The following ZNF423 variants were observed in gnomAD, a reference collection of about 807,000 sequenced individuals.
The protein encoded by ZNF423 is Ebf-associated zinc finger protein.
In ZNF423, 12 loss-of-function variants were observed where a neutral mutation model predicts 95.8. That is an observed-to-expected ratio of 0.13 (90% CI 0.08 to 0.20). ZNF423 has a LOEUF of 0.20. Among genes scored for constraint, ZNF423 ranks in the 10% least tolerant of loss-of-function variants. ZNF423 has a pLI of 1.00. For missense variants in ZNF423, 1,316 were observed against 1,737.1 expected (o/e 0.76, Z 4.31); for synonymous variants, 749 against 711.9 (o/e 1.05, Z -0.83).
At chr16:49,800,092 A>C (rs985794742) in intron 1 of ZNF423, among the ~76,000 whole-genome samples, 2 of 152,136 alleles carry the variant, frequency 1.3e-5, no homozygotes, top group Non-Finnish European at 2.9e-5. Context: ...AAAAATGCAA[A>C]AATTAGCTGG....
chr16:49,610,517 T>C (rs530026693), intron 5 of ZNF423, among the ~76,000 whole-genome samples: 1 of 152,108 alleles, frequency 6.6e-6, no homozygotes, highest in South Asian at 2.1e-4. Flanking sequence ...ACAGTAATCA[T>C]GATAAAAAGC....
chr16:49,824,168 A>C (rs1402588145), intron 1 of ZNF423, among the ~76,000 whole-genome samples: 1 of 152,136 alleles, frequency 6.6e-6, no homozygotes, highest in African/African-American at 2.4e-5. Flanking sequence ...GTCCCAAAAT[A>C]AATTATTCCC....
intron 7 of ZNF423, among the ~76,000 whole-genome samples, chr16:49,522,023 AG>A (rs1332264447): frequency 6.6e-6 from 1 of 152,192 alleles, no homozygotes; most frequent in Non-Finnish European, 1.5e-5. Flanking sequence ...CTAACCCCAG[AG>A]GGGGAGGCAC....
At chr16:49,777,239 G>A (rs542152541) in intron 2 of ZNF423, among the ~76,000 whole-genome samples, 10 of 152,344 alleles carry the variant, frequency 6.6e-5, no homozygotes, top group African/African-American at 2.4e-4. Context: ...TGTGGAGTAT[G>A]CATATGCCAA....
At chr16:49,663,398 C>T (rs895428397) in intron 3 of ZNF423, among the ~76,000 whole-genome samples, 1 of 152,110 alleles carries the variant, frequency 6.6e-6, no homozygotes, top group Admixed American at 6.5e-5. Flanking sequence ...CCCCAGCCCA[C>T]CCCCCTCGAG....
chr16:49,513,536 G>A (rs756175818), intron 7 of ZNF423, among the ~76,000 whole-genome samples: 45 of 152,090 alleles, frequency 3.0e-4, no homozygotes, highest in Admixed American at 1.8e-3. Flanking sequence ...ATGGGCTCCC[G>A]GAATCTGTGG....
chr16:49,651,863 C>G (rs941705820), intron 3 of ZNF423, among the ~76,000 whole-genome samples: 2 of 152,186 alleles, frequency 1.3e-5, no homozygotes, highest in African/African-American at 4.8e-5. Flanking sequence ...CCTCCCTGAG[C>G]CCTGATTGAT....
intron 3 of ZNF423, among the ~76,000 whole-genome samples, chr16:49,677,753 C>CAAAA (rs776853564): frequency 1.2e-5 from 1 of 84,702 alleles, no homozygotes; most frequent in African/African-American, 3.6e-5. Context: ...GACCCTGTCT[C>CAAAA]AAAAAAAAAA....
Position 49,739,695 on chromosome 16 carries a change from G to GTTTTT in ZNF423, c.101-8725_101-8724insAAAAA, listed in dbSNP as rs1567321248. On this transcript the variant is annotated intron_variant, in intron 2 of 7. Transcript: ENST00000563137. ...CACGTTTGTTTTTTTGTTTTTGTTT[G>GTTTTT]GTTTTTTTTTTTTTTTTTTTGGAGA... Among the ~76,000 whole-genome samples the GTTTTT allele has an allele frequency of 3.0e-5, 4 of 132,734 alleles. 2 individuals carry two copies. Among genetic ancestry groups the GTTTTT allele is most frequent in the Admixed American group, 1.5e-4 (2 of 12,950 alleles). The allele number at this position is 132,734 out of a possible 152,430, so 87.1% of individuals were successfully genotyped here.
chr16:49,521,729 G>T (rs1261130798), intron 7 of ZNF423, among the ~76,000 whole-genome samples: 1 of 152,230 alleles, frequency 6.6e-6, no homozygotes, highest in Non-Finnish European at 1.5e-5. Flanking sequence ...GCACCGTAAG[G>T]ATGAAAAGAA....
chr16:49,758,939 A>C (rs367733040), intron 2 of ZNF423, among the ~76,000 whole-genome samples: 16 of 152,324 alleles, frequency 1.1e-4, no homozygotes, highest in Admixed American at 8.5e-4. Context: ...AACAAGGATA[A>C]GCCTTCCGAA....
chr16:49,652,308 T>C (rs766692193), intron 3 of ZNF423, among the ~76,000 whole-genome samples: 8 of 151,806 alleles, frequency 5.3e-5, no homozygotes, highest in Non-Finnish European at 1.2e-4. Context: ...GAAAATGCAA[T>C]TGAGCTCGAG....
chr16:49,791,856 G>A (rs1349949570), intron 1 of ZNF423, among the ~76,000 whole-genome samples: 1 of 151,922 alleles, frequency 6.6e-6, no homozygotes, highest in Non-Finnish European at 1.5e-5. Context: ...ACAAAACTTA[G>A]CCAGGCATGG....
chr16:49,788,496 T>C (rs139515846), intron 2 of ZNF423, among the ~76,000 whole-genome samples: 1 of 152,376 alleles, frequency 6.6e-6, no homozygotes, highest in African/African-American at 2.4e-5. Flanking sequence ...TAAATGTTTA[T>C]ATACCTGATG....
intron 2 of ZNF423, among the ~76,000 whole-genome samples, chr16:49,753,902 G>C (rs1037309223): frequency 6.6e-6 from 1 of 152,052 alleles, no homozygotes; most frequent in African/African-American, 2.4e-5. Flanking sequence ...ATGGTGGCGG[G>C]CGCCTGTAAT....
Position 49,733,994 on chromosome 16 carries a change from C to T in ZNF423, c.101-3023G>A, listed in dbSNP as rs561223693. ...TCTGCAAGGCCACCCAAAGCCATGCCAGGATCGAATCTACACGTTCACGTG... is the reference window on the plus strand; with the variant it reads ...TCTGCAAGGCCACCCAAAGCCATGCTAGGATCGAATCTACACGTTCACGTG... On this transcript the variant is annotated intron_variant, in intron 2 of 7. Coordinates refer to ENST00000563137, the MANE Select transcript of ZNF423 (RefSeq NM_001379286.1). Among the ~76,000 whole-genome samples, 9 of 152,154 alleles carry T rather than the reference C, an allele frequency of 5.9e-5. No homozygotes were observed. In the South Asian group the frequency reaches 1.9e-3, roughly 32 times the overall value.
chr16:49,624,013 G>A (rs1972171852), intron 5 of ZNF423, among the ~76,000 whole-genome samples: 3 of 151,254 alleles, frequency 2.0e-5, no homozygotes, highest in Admixed American at 1.3e-4. Flanking sequence ...CACCACTGGT[G>A]GGGGCGTTAA....
intron 1 of ZNF423, among the ~76,000 whole-genome samples, chr16:49,800,856 C>T (rs563625338): frequency 3.3e-5 from 5 of 152,174 alleles, no homozygotes; most frequent in Admixed American, 3.3e-4. Flanking sequence ...ATGGCTTCAG[C>T]TCAAAGGCAA....
At chr16:49,495,828 C>T (rs920731655) in intron 7 of ZNF423, among the ~76,000 whole-genome samples, 1 of 152,174 alleles carries the variant, frequency 6.6e-6, no homozygotes, top group African/African-American at 2.4e-5. Context: ...TGTGCCTCTC[C>T]CTAGTGTGAA....
Sources: gnomAD v4.1 joint callset for allele counts (sites outside exome capture counted in the v4.1 genomes callset) on GRCh38, gnomAD v4.1.1 for gene constraint, MANE v1.5 for transcripts, NCBI Gene and HGNC (gene_info 2026-07-23, HGNC 2026-07-21) for gene names.